Variants in ACER2 observed in about 807,000 individuals in gnomAD.
ACER2 encodes alkaline ceramidase 2, also known as alkCDase 2.
A neutral mutation model predicts 34.7 loss-of-function variants in ACER2; 26 were observed. That is an observed-to-expected ratio of 0.75 (90% CI 0.55 to 1.04). The LOEUF is 1.04. ACER2 is among the 50% of genes least tolerant of loss of function. The probability of loss-of-function intolerance (pLI) is 0.00; values close to 1 mark genes in which losing one functional copy is unlikely to be tolerated. For missense variants in ACER2, 352 were observed against 340.8 expected (o/e 1.03, Z -0.26); for synonymous variants, 138 against 132.1 (o/e 1.04, Z -0.31).
intron 4 of ACER2, among the ~76,000 whole-genome samples, chr9:19,435,442 A>C (rs1174647072): frequency 6.6e-6 from 1 of 152,210 alleles, no homozygotes; most frequent in Non-Finnish European, 1.5e-5. Flanking sequence ...GGGCAGGGAA[A>C]GTGAGTTTGT....
At chr9:19,416,226 T>C (rs969697102) in intron 1 of ACER2, among the ~76,000 whole-genome samples, 1 of 152,222 alleles carries the variant, frequency 6.6e-6, no homozygotes, top group Non-Finnish European at 1.5e-5. Context: ...CTTCCTTTTA[T>C]TGCTAGTTTA....
At chr9:19,446,649 A>T in intron 5 of ACER2, 4 of 985,098 alleles carry the variant, frequency 4.1e-6, no homozygotes, top group Non-Finnish European at 4.8e-6. Context: ...TGTCATGCTT[A>T]GGTCTGCAGT....
chr9:19,425,522 C>T (rs1055018931), intron 3 of ACER2, among the ~76,000 whole-genome samples: 2 of 152,222 alleles, frequency 1.3e-5, no homozygotes, highest in African/African-American at 2.4e-5. Flanking sequence ...GTAAACAAAA[C>T]AGCAGTCTTC....
At chr9:19,434,673 TGAGGCAGGAGAATCAGGCAGG>T (rs1830899438) in intron 3 of ACER2, among the ~76,000 whole-genome samples, 1 of 152,128 alleles carries the variant, frequency 6.6e-6, no homozygotes, top group African/African-American at 2.4e-5. Flanking sequence ...CTCCGCAGGC[TGAGGCAGGAGAATCAGGCAGG>T]GAGGTTGCAG....
intron 1 of ACER2, among the ~76,000 whole-genome samples, chr9:19,417,757 A>G (rs544635808): frequency 2.0e-5 from 3 of 152,348 alleles, no homozygotes; most frequent in African/African-American, 7.2e-5. Context: ...TGAAAACCCT[A>G]GAAGGAAACC....
At position 19,451,620 on chromosome 9, in the gene ACER2, AC is replaced by A. The variant is rs905290942; in HGVS notation, c.*988del. 3 of 152,102 alleles carry A rather than the reference AC, an allele frequency of 2.0e-5. No individual in the cohort carries two copies. Among genetic ancestry groups the A allele is most frequent in the African/African-American group, 7.3e-5 (3 of 41,352 alleles). 9.4% of individuals were successfully genotyped at this position (152,102 alleles called of 1,614,324 possible). Reference sequence around the variant, plus strand: ...GACATCACTTCCTCTTCCCCCTCCCACCCCAGCTCAGCAGCCTCAAATCTAC... The same window carrying A: ...GACATCACTTCCTCTTCCCCCTCCCACCCAGCTCAGCAGCCTCAAATCTAC... On this transcript the variant is annotated 3_prime_UTR_variant, in exon 6 of 6. Transcript: ENST00000340967.
intron 4 of ACER2, among the ~76,000 whole-genome samples, chr9:19,443,130 G>C (rs982484977): frequency 1.3e-5 from 2 of 152,214 alleles, no homozygotes; most frequent in Admixed American, 1.3e-4. Context: ...TCCCGGGTTC[G>C]CGCCATTCTC....
chr9:19,434,097 G>T (rs1205364597), intron 3 of ACER2, among the ~76,000 whole-genome samples: 1 of 151,166 alleles, frequency 6.6e-6, no homozygotes, highest in East Asian at 2.0e-4. Flanking sequence ...CCCAGACGGG[G>T]TGGCGGCCGG....
intron 1 of ACER2, among the ~76,000 whole-genome samples, chr9:19,420,785 C>G (rs1200679467): frequency 6.6e-6 from 1 of 152,158 alleles, no homozygotes; most frequent in Non-Finnish European, 1.5e-5. Context: ...GGGGGTCTGG[C>G]AAGGGCTCCC....
intron 1 of ACER2, among the ~76,000 whole-genome samples, chr9:19,413,884 A>C (rs1457767736): frequency 6.6e-6 from 1 of 152,226 alleles, no homozygotes; most frequent in Non-Finnish European, 1.5e-5. Context: ...CGCTCTCTTC[A>C]GGCTGAATCT....
intron 1 of ACER2, among the ~76,000 whole-genome samples, chr9:19,422,130 A>AG: frequency 6.6e-6 from 1 of 151,402 alleles, no homozygotes; most frequent in South Asian, 2.1e-4. Context: ...ACCAAAAAAA[A>AG]AAAAAAATTA....
At chr9:19,448,212 C>T (rs1488839283) in intron 5 of ACER2, among the ~76,000 whole-genome samples, 1 of 151,992 alleles carries the variant, frequency 6.6e-6, no homozygotes, top group African/African-American at 2.4e-5. Context: ...GGATTTTTGC[C>T]ATGTTGCCCA....
At position 19,438,772 on chromosome 9, in the gene ACER2, A is replaced by G. The variant is rs2132514056; in HGVS notation, c.503+3688A>G. Among the ~76,000 whole-genome samples, 2 of 152,258 alleles carry G rather than the reference A, an allele frequency of 1.3e-5. 1 individual carries two copies. The highest frequency in any genetic ancestry group is 4.1e-4 in the South Asian group (2 of 4,830). On this transcript the variant is annotated intron_variant, in intron 4 of 5. Coordinates refer to ENST00000340967, the MANE Select transcript of ACER2 (RefSeq NM_001010887.3). ...TTGTTATAAGAAAAGGGAAAGGGAA[A>G]GGTTTTTTGTTTGTTTGTTTGTTTT...
intron 2 of ACER2, 24 bp from the exon 3 acceptor site, chr9:19,424,676 T>C (rs1311965415): frequency 1.9e-6 from 3 of 1,612,008 alleles, no homozygotes; most frequent in South Asian, 1.1e-5. Flanking sequence ...GTGACCTTTT[T>C]TTATTGGTTG....
intron 5 of ACER2, among the ~76,000 whole-genome samples, chr9:19,449,010 G>C (rs1831473341): frequency 6.6e-6 from 1 of 152,204 alleles, no homozygotes; most frequent in Non-Finnish European, 1.5e-5. Flanking sequence ...TGTGCATGTA[G>C]TCCCAGCTAT....
At chr9:19,447,900 AAC>A (rs1403066568) in intron 5 of ACER2, among the ~76,000 whole-genome samples, 1 of 152,070 alleles carries the variant, frequency 6.6e-6, no homozygotes, top group Non-Finnish European at 1.5e-5. Context: ...CATAATTATT[AAC>A]AGTCTGATGT....
At chr9:19,444,447 C>T (rs1831278313) in intron 4 of ACER2, among the ~76,000 whole-genome samples, 1 of 151,898 alleles carries the variant, frequency 6.6e-6, no homozygotes, top group Admixed American at 6.5e-5. Flanking sequence ...CTCCTGACCT[C>T]TGGTCCGCCC....
intron 1 of ACER2, among the ~76,000 whole-genome samples, chr9:19,417,346 C>T (rs915418427): frequency 2.0e-5 from 3 of 152,168 alleles, no homozygotes; most frequent in African/African-American, 7.2e-5. Context: ...CTACCATTAA[C>T]TTTTTTTCAC....
intron 4 of ACER2, among the ~76,000 whole-genome samples, chr9:19,435,335 C>G (rs1020942200): frequency 6.6e-6 from 1 of 152,178 alleles, no homozygotes; most frequent in Non-Finnish European, 1.5e-5. Flanking sequence ...CCAGGACCAT[C>G]TCAGTACCTA....
Sources: allele counts gnomAD v4.1 joint callset (sites outside exome capture counted in the v4.1 genomes callset), GRCh38; gene constraint gnomAD v4.1.1; transcripts MANE v1.5; gene names NCBI Gene and HGNC (gene_info 2026-07-23, HGNC 2026-07-21).